Variants in TNK2 observed in about 807,000 individuals in gnomAD.
TNK2 encodes the protein activated CDC42 kinase 1.
TNK2 carries 83 observed loss-of-function variants against 101.8 expected under a neutral mutation model. The observed-to-expected ratio is 0.82, with a 90% CI of 0.68 to 0.98. TNK2 has a LOEUF of 0.98. TNK2 is among the 50% of genes least tolerant of loss of function. The pLI, the probability that TNK2 is intolerant of heterozygous loss-of-function variation, is 0.00. For synonymous variants in TNK2, 804 were observed against 633.0 expected, an observed-to-expected ratio of 1.27 and a Z score of -4.06; for missense variants, 1,665 against 1,483.2, an observed-to-expected ratio of 1.12 and a Z score of -2.01.
At chr3:195,892,014 A>G (rs767987898) in intron 1 of TNK2, 1 of 1,021,744 alleles carries the variant, frequency 9.8e-7, no homozygotes, top group Non-Finnish European at 1.2e-6. Context: ...GATGCTGGTG[A>G]GGCAAGCGGT....
rs1753562911 is a variant in TNK2 at position 195,882,402 on chromosome 3, C to CA, written c.610-75dup. On this transcript the variant is annotated intron_variant, in intron 5 of 15. Coordinates refer to ENST00000672887, the MANE Select transcript of TNK2 (RefSeq NM_001382273.1). This position sits in a 1 kb window ranked among gnomAD's most constrained non-coding sequence, Gnocchi z 4.2. ...TTCTCAGCAGCCCACGCTGGGCCCC[C>CA]AGTCCCCTTCCTGAAGGCTTTCCAG... 6.9e-6 allele frequency: 11 copies of CA among 1,587,840 alleles called. No homozygotes were observed. The highest frequency in any genetic ancestry group is 2.7e-5 in the African/African-American group (2 of 74,240).
In TNK2 at chr3:195,868,297, G is replaced by A. The variant is rs904549279; in HGVS notation, c.2001C>T (p.Ser667=). The stretch of plus-strand genomic sequence containing the variant: ...CAGGGACCCCCGCGCCCACGAGGGT[G>A]CTGTTGATGGAGCAGATCTCAAAGT... ...EDDFEICSIN[S]TLVGAGVPAG... is the part of the protein sequence containing the mutation. The change falls in exon 13 of 16, where the codon AGC becomes AGT. Residue 667 remains serine, a synonymous_variant. Coordinates refer to ENST00000672887, the MANE Select transcript of TNK2 (RefSeq NM_001382273.1). 8.7e-6 allele frequency: 14 copies of A among 1,603,786 alleles called. No individual in the cohort carries two copies. The highest frequency in any genetic ancestry group is 1.2e-5 in the Non-Finnish European group (14 of 1,179,518).
chr3:195,873,116 C>T (rs1746581862), intron 9 of TNK2, among the ~76,000 whole-genome samples: 7 of 152,190 alleles, frequency 4.6e-5, no homozygotes, highest in Admixed American at 4.6e-4. Context: ...TCCCGGAAGG[C>T]CTGCGGGAGC....
chr3:195,900,622 C>A (rs1177549684), intron 1 of TNK2, among the ~76,000 whole-genome samples: 1 of 152,242 alleles, frequency 6.6e-6, no homozygotes, highest in Non-Finnish European at 1.5e-5. Flanking sequence ...CAGACACCAG[C>A]AGCAGTGGGT....
Position 195,869,234 on chromosome 3 carries a change from G to T in TNK2, c.1588+263C>A. 4 of 591,034 alleles carry T rather than the reference G, an allele frequency of 6.8e-6. No individual in the cohort carries two copies. The South Asian group carries it at 8.0e-5, about 12-fold the overall frequency. 36.6% of individuals were successfully genotyped at this position (591,034 alleles called of 1,614,324 possible). ...CAAGGCAGAAGCCAGGGCCACACTC[G>T]TGCTCCAGAAGCTCAGACAGGTCTG... On this transcript the variant is annotated intron_variant, in intron 12 of 15. Transcript: ENST00000672887.
chr3:195,867,331 G>T, intron 13 of TNK2, 30 bp downstream of exon 13: 3 of 1,608,356 alleles, frequency 1.9e-6, no homozygotes, highest in Non-Finnish European at 2.5e-6. Context: ...GCCCTGCCCC[G>T]CTTCGCCCAC....
chr3:195,882,033 G>A lies in TNK2; in HGVS notation c.887+18C>T. 6.3e-7 allele frequency: 1 copy of A among 1,599,180 alleles called. No homozygotes were observed. The highest frequency in any genetic ancestry group is 8.5e-7 in the Non-Finnish European group (1 of 1,170,182). On this transcript the variant is annotated intron_variant, in intron 6 of 15. Coordinates refer to ENST00000672887, the MANE Select transcript of TNK2 (RefSeq NM_001382273.1). The surrounding 1 kb of genome is among the most constrained non-coding windows in gnomAD (Gnocchi z 4.2). ...GGGTCTGCAGGGACTCTGTGAGCTG[G>A]CAGCACCTGCCCCTCACCAGGCGAA...
Position 195,867,899 on chromosome 3 carries a change from G to A in TNK2, c.2399C>T (p.Ser800Phe), listed in dbSNP as rs199949969. The change falls in exon 13 of 16, where the codon TCC becomes TTC. Residue 800 changes from serine (S) to phenylalanine (F), a missense_variant. This residue lies in a region of TNK2 where 1,136 missense variants were observed against 894.9 expected (regional missense o/e 1.27). Coordinates refer to ENST00000672887, the MANE Select transcript of TNK2 (RefSeq NM_001382273.1). ...GCTGGGTGTCCTCGAGCCTTGAGGG[G>A]ACAGGGGCTCCCGCGGAGGCACCCG... Reference protein sequence around the residue: ...PPRVPPREPLSPQGSRTPSPL... With the variant: ...PPRVPPREPLFPQGSRTPSPL... 8 of 1,533,394 alleles carry A rather than the reference G, an allele frequency of 5.2e-6. No homozygotes were observed. The highest frequency in any genetic ancestry group is 4.5e-5 in the East Asian group (2 of 43,988). 95.0% of individuals were successfully genotyped at this position (1,533,394 alleles called of 1,614,324 possible). A position where few individuals can be genotyped will look rare whatever the true frequency, so the allele number is the denominator to read the frequency against.
rs781251486 is a variant in TNK2 at position 195,868,015 on chromosome 3, G to A, written c.2283C>T (p.Pro761=). ...GGACGTGTGGGCGCGTGGGCCGAGG[G>A]GGGATGGGTACCCGAGGAGGCACCT... ...KPQVPPRVPI[P]PRPTRPHVQL... The change falls in exon 13 of 16, where the codon CCC becomes CCT. Residue 761 remains proline (P), a synonymous_variant. Coordinates refer to ENST00000672887, the MANE Select transcript of TNK2 (RefSeq NM_001382273.1). 16 of 1,581,706 alleles carry A rather than the reference G, an allele frequency of 1.0e-5. No individual in the cohort carries two copies. Among genetic ancestry groups the A allele is most frequent in the South Asian group, 4.5e-5 (4 of 88,472 alleles).
At position 195,866,380 on chromosome 3, in the gene TNK2, T is replaced by C. The variant is rs530080475; in HGVS notation, c.3161+509A>G. 2.9e-4 allele frequency among the ~76,000 whole-genome samples: 44 copies of C among 152,326 alleles called. No homozygotes were observed. The South Asian group carries it at 8.3e-3, about 29-fold the overall frequency. On this transcript the variant is annotated intron_variant, in intron 15 of 15. Transcript: ENST00000672887. Reference sequence around the variant, plus strand: ...CATACCCGGTTAATTTTTGTATTTTTAGTAGAGACCTGGTCTCGCCATGTT... The same window carrying C: ...CATACCCGGTTAATTTTTGTATTTTCAGTAGAGACCTGGTCTCGCCATGTT...
rs775766204 is a variant in TNK2, at chr3:195,878,084, G to A, written c.1256+169C>T. On this transcript the variant is annotated intron_variant, in intron 9 of 15. Coordinates refer to ENST00000672887, the MANE Select transcript of TNK2 (RefSeq NM_001382273.1). This position sits in a 1 kb window ranked among gnomAD's most constrained non-coding sequence, Gnocchi z 4.7. ...GGAAGCTGGGCAGGGAAAGGCACTAGGAAGACGGAGGCAGGCCTGTCCTCC... is the reference window on the plus strand; with the variant it reads ...GGAAGCTGGGCAGGGAAAGGCACTAAGAAGACGGAGGCAGGCCTGTCCTCC... Among the ~76,000 whole-genome samples the A allele has an allele frequency of 1.3e-5, 2 of 151,764 alleles. No homozygotes were observed. The highest frequency in any genetic ancestry group is 2.4e-5 in the African/African-American group (1 of 41,270).
rs193040512 is a variant in TNK2, at chr3:195,873,212, C to A, written c.1257-742G>T. ...GTGACCAGACAGTAGGGCTGCCAGT[C>A]CCCCTCTGACCTCAGACACGAAACC... On this transcript the variant is annotated intron_variant, in intron 9 of 15. Coordinates refer to ENST00000672887, the MANE Select transcript of TNK2 (RefSeq NM_001382273.1). 2.0e-4 allele frequency among the ~76,000 whole-genome samples: 30 copies of A among 152,346 alleles called. No homozygotes were observed. In the East Asian group the frequency reaches 5.8e-3, roughly 29 times the overall value.
Position 195,888,749 on chromosome 3 carries a change from G to A in TNK2, c.-18-143C>T, listed in dbSNP as rs994115717. The stretch of plus-strand genomic sequence containing the variant: ...CTTCTGACTCCCGAGGGAAGCTACC[G>A]AGAACCGCCTGGACCCACGTCCCCT... On this transcript the variant is annotated intron_variant, in intron 1 of 15. Transcript: ENST00000672887. This position sits in a 1 kb window ranked among gnomAD's most constrained non-coding sequence, Gnocchi z 5.3. The A allele has an allele frequency of 2.5e-5, 20 of 792,792 alleles. No individual in the cohort carries two copies. Among genetic ancestry groups the A allele is most frequent in the African/African-American group, 1.9e-4 (11 of 56,874 alleles). 49.1% of individuals were successfully genotyped at this position (792,792 alleles called of 1,614,324 possible).
chr3:195,895,745 G>A (rs77828245), intron 1 of TNK2: 76,506 of 365,234 alleles, frequency 0.21, 8,186 homozygotes, highest in Middle Eastern at 0.3. Flanking sequence ...CCGTATTCAC[G>A]GTAAGGGGCC....
At chr3:195,892,441 G>A in intron 1 of TNK2, 2 of 1,535,450 alleles carry the variant, frequency 1.3e-6, no homozygotes, top group African/African-American at 2.7e-5. Flanking sequence ...GTCTGGCCAG[G>A]AGAGGGAAGG....
At position 195,882,050 on chromosome 3, in the gene TNK2, C is replaced by G; in HGVS notation, c.887+1G>C. 6.2e-7 allele frequency: 1 copy of G among 1,605,470 alleles called. No individual in the cohort carries two copies. Among genetic ancestry groups the G allele is most frequent in the Non-Finnish European group, 8.5e-7 (1 of 1,173,676 alleles). On this transcript the variant is annotated splice_donor_variant, in intron 6 of 15. Coordinates refer to ENST00000672887, the MANE Select transcript of TNK2 (RefSeq NM_001382273.1). LOFTEE classifies it high-confidence loss of function. The surrounding 1 kb of genome is among the most constrained non-coding windows in gnomAD (Gnocchi z 4.2). ...GTGAGCTGGCAGCACCTGCCCCTCA[C>G]CAGGCGAAGGGCACCTTGCGATGTT...
At chr3:195,907,223 C>A (rs1474786300) in intron 1 of TNK2, among the ~76,000 whole-genome samples, 1 of 152,212 alleles carries the variant, frequency 6.6e-6, no homozygotes, top group African/African-American at 2.4e-5. Context: ...GCGTCAGGCA[C>A]CGTGGGCACA....
intron 2 of TNK2, 85 bp from the exon 3 acceptor site, chr3:195,887,132 C>A: frequency 7.2e-7 from 1 of 1,398,176 alleles, no homozygotes; most frequent in Non-Finnish European, 1.0e-6. Flanking sequence ...TGGGGGTGAG[C>A]CTGTCACTAG....
rs370067409 is a variant in TNK2, at chr3:195,868,290, C to T, written c.2008G>A (p.Val670Met). Residue 670 changes from valine to methionine, a missense_variant, in exon 13 of 16, where the codon GTG becomes ATG. By Grantham distance (21) the Val-to-Met change is conservative (BLOSUM62 1). Coordinates refer to ENST00000672887, the MANE Select transcript of TNK2 (RefSeq NM_001382273.1). ...FEICSINSTL[V>M]GAGVPAGPSQ... ...GGCCCGGCAGGGACCCCCGCGCCCACGAGGGTGCTGTTGATGGAGCAGATC... is the reference window on the plus strand; with the variant it reads ...GGCCCGGCAGGGACCCCCGCGCCCATGAGGGTGCTGTTGATGGAGCAGATC... The T allele has an allele frequency of 3.9e-5, 62 of 1,603,688 alleles. No homozygotes were observed. The East Asian group carries it at 4.5e-4, about 12-fold the overall frequency.
Sources: gnomAD v4.1 joint callset for allele counts (sites outside exome capture counted in the v4.1 genomes callset) on GRCh38, gnomAD v4.1.1 for gene constraint, gnomAD v4.1.1 regional missense constraint, Gnocchi (gnomAD v3.1) non-coding constraint, MANE v1.5 for transcripts, NCBI Gene and HGNC (gene_info 2026-07-23, HGNC 2026-07-21) for gene names.